The following TIAM1 variants were observed in gnomAD, a reference collection of about 807,000 sequenced individuals.
TIAM1 encodes TIAM Rac1 associated GEF 1.
TIAM1 carries 65 observed loss-of-function variants against 163.5 expected under a neutral mutation model. The ratio of observed to expected loss-of-function variants is 0.40; its 90% CI spans 0.33 to 0.49. TIAM1 has a LOEUF of 0.49. Ranked by LOEUF, TIAM1 falls within the 20% of genes least tolerant of loss-of-function variation. The pLI is 0.77. For missense variants in TIAM1, 1,789 were observed against 2,044.7 expected (o/e 0.87, Z 2.41); for synonymous variants, 833 against 810.1 (o/e 1.03, Z -0.48).
intron 13 of TIAM1, among the ~76,000 whole-genome samples, chr21:31,190,595 G>A (rs1434365382): frequency 2.0e-5 from 3 of 152,122 alleles, no homozygotes; most frequent in Non-Finnish European, 4.4e-5. Context: ...AAATATAATA[G>A]TACTAGAAGT....
At chr21:31,287,279 G>T (rs2146899928) in intron 2 of TIAM1, among the ~76,000 whole-genome samples, 1 of 152,306 alleles carries the variant, frequency 6.6e-6, no homozygotes, top group Non-Finnish European at 1.5e-5. Context: ...CTTATGAATT[G>T]TTTGGGTAAG....
chr21:31,233,983 C>T (rs748177837), intron 6 of TIAM1, among the ~76,000 whole-genome samples: 9 of 152,184 alleles, frequency 5.9e-5, no homozygotes, highest in Non-Finnish European at 1.2e-4. Flanking sequence ...CGGAGTCTCT[C>T]CACAAGGCCG....
intron 18 of TIAM1, 78 bp downstream of exon 18, chr21:31,152,988 A>C: frequency 7.2e-7 from 1 of 1,390,642 alleles, no homozygotes; most frequent in East Asian, 2.3e-5. Flanking sequence ...AGTGTTACGC[A>C]TGTCCCCATT....
intron 1 of TIAM1, among the ~76,000 whole-genome samples, chr21:31,525,661 A>G (rs2047754849): frequency 6.6e-6 from 1 of 152,196 alleles, no homozygotes; most frequent in Non-Finnish European, 1.5e-5. Flanking sequence ...GCAGTCTGGC[A>G]CCAGAGTCCA....
chr21:31,230,012 G>A lies in TIAM1; in HGVS notation c.1585-4062C>T, dbSNP rs187764609. ...ATCCAGATGCAATCCCTGCAGAGGC[G>A]CACGCAGCACTAAGGAGAGGCTATG... On this transcript the variant is annotated intron_variant, in intron 6 of 27. Transcript: ENST00000541036. 7.9e-5 allele frequency among the ~76,000 whole-genome samples: 12 copies of A among 152,212 alleles called. No homozygotes were observed. The East Asian group carries it at 2.1e-3, about 27-fold the overall frequency.
chr21:31,165,765 C>T (rs2084181059), intron 15 of TIAM1, among the ~76,000 whole-genome samples: 1 of 151,928 alleles, frequency 6.6e-6, no homozygotes, highest in African/African-American at 2.4e-5. Flanking sequence ...TCATTAATTA[C>T]TAAAATAATT....
chr21:31,441,560 A>G (rs2044418524), intron 2 of TIAM1, among the ~76,000 whole-genome samples: 1 of 152,118 alleles, frequency 6.6e-6, no homozygotes, highest in Non-Finnish European at 1.5e-5. Flanking sequence ...TCCTGGAATC[A>G]CCATTTGGTA....
intron 1 of TIAM1, among the ~76,000 whole-genome samples, chr21:31,552,801 C>G (rs907985975): frequency 6.6e-6 from 1 of 152,086 alleles, no homozygotes; most frequent in Non-Finnish European, 1.5e-5. Flanking sequence ...GAATAAGAAA[C>G]CTGTTGAAAG....
chr21:31,449,090 G>A (rs1266500469), intron 2 of TIAM1, among the ~76,000 whole-genome samples: 7 of 151,784 alleles, frequency 4.6e-5, no homozygotes, highest in Admixed American at 6.6e-5. Flanking sequence ...TCAGCCTCCC[G>A]AGTAGCTGGG....
At chr21:31,229,805 A>G (rs1290806896) in intron 6 of TIAM1, among the ~76,000 whole-genome samples, 1 of 152,144 alleles carries the variant, frequency 6.6e-6, no homozygotes, top group African/African-American at 2.4e-5. Context: ...GGCACCTGCC[A>G]CCATGCCCAG....
intron 1 of TIAM1, among the ~76,000 whole-genome samples, chr21:31,470,957 C>T (rs1359611568): frequency 1.3e-5 from 2 of 152,144 alleles, no homozygotes; most frequent in African/African-American, 4.8e-5. Context: ...TGGGATGGTG[C>T]GTTCCTGCAA....
At chr21:31,156,253 C>A (rs931787996) in intron 16 of TIAM1, among the ~76,000 whole-genome samples, 3 of 152,226 alleles carry the variant, frequency 2.0e-5, no homozygotes, top group African/African-American at 7.2e-5. Context: ...TATTCTAATT[C>A]TCTTACAATT....
intron 27 of TIAM1, among the ~76,000 whole-genome samples, chr21:31,122,634 C>T (rs1230097337): frequency 1.3e-5 from 2 of 151,936 alleles, no homozygotes; most frequent in African/African-American, 4.8e-5. Context: ...ATAGATAGAA[C>T]AAAGAAAAAA....
chr21:31,158,780 C>T (rs1039455733), intron 16 of TIAM1, among the ~76,000 whole-genome samples: 2 of 152,044 alleles, frequency 1.3e-5, no homozygotes, highest in Non-Finnish European at 2.9e-5. Context: ...TTTTAAATCC[C>T]CCTCCCTCTT....
intron 4 of TIAM1, among the ~76,000 whole-genome samples, chr21:31,262,942 AAGAAAAAAAT>A (rs1176549732): frequency 7.3e-6 from 1 of 137,852 alleles, no homozygotes; most frequent in Admixed American, 7.1e-5. Context: ...ACCAAAAAAA[AAGAAAAAAAT>A]TTTTTTTTAA....
chr21:31,482,963 C>T (rs1296024328), intron 1 of TIAM1, among the ~76,000 whole-genome samples: 3 of 152,084 alleles, frequency 2.0e-5, no homozygotes, highest in African/African-American at 7.2e-5. Flanking sequence ...AGTGTTGCGC[C>T]CATTTTACAG....
In TIAM1 at chr21:31,210,557, A is replaced by AGAAG. The variant is rs1276696478; in HGVS notation, c.2218-343_2218-342insCTTC. Among the ~76,000 whole-genome samples the AGAAG allele has an allele frequency of 1.4e-3, 164 of 115,652 alleles. 1 individual carries two copies. Among genetic ancestry groups the AGAAG allele is most frequent in the African/African-American group, 6.6e-3 (155 of 23,504 alleles). 75.9% of individuals were successfully genotyped at this position (115,652 alleles called of 152,430 possible). On this transcript the variant is annotated intron_variant, in intron 10 of 27. Coordinates refer to ENST00000541036, the MANE Select transcript of TIAM1 (RefSeq NM_001353694.2). Reference sequence around the variant, plus strand: ...GGAAAAGAAAGAAAGAAAGAAAGAAAGAAAGAAAGAAAGAAAGAAAGAAAG... The same window carrying AGAAG: ...GGAAAAGAAAGAAAGAAAGAAAGAAAGAAGGAAAGAAAGAAAGAAAGAAAGAAAG...
chr21:31,255,842 T>C (rs978793555), intron 4 of TIAM1, among the ~76,000 whole-genome samples: 3 of 152,174 alleles, frequency 2.0e-5, no homozygotes, highest in Non-Finnish European at 4.4e-5. Flanking sequence ...TGAAGAGATT[T>C]CCGATCATGA....
At chr21:31,552,444 T>C (rs1348096155) in intron 1 of TIAM1, among the ~76,000 whole-genome samples, 2 of 152,152 alleles carry the variant, frequency 1.3e-5, no homozygotes, top group Non-Finnish European at 2.9e-5. Context: ...GCGTCCCTAC[T>C]ACAAAGGTAG....
Sources: gnomAD v4.1 joint callset for allele counts (sites outside exome capture counted in the v4.1 genomes callset) on GRCh38, gnomAD v4.1.1 for gene constraint, MANE v1.5 for transcripts, NCBI Gene and HGNC (gene_info 2026-07-23, HGNC 2026-07-21) for gene names.